Variants in PLP1 observed in about 807,000 individuals in gnomAD.
PLP1 encodes the protein myelin proteolipid protein.
Under a neutral mutation model 18.5 loss-of-function variants are expected in PLP1, and 2 were observed. The observed-to-expected ratio is 0.11, with a 90% CI of 0.04 to 0.34. The LOEUF (loss-of-function observed/expected upper bound fraction) is 0.34, where lower values mean the gene tolerates loss of function less well. Among genes scored for constraint, PLP1 ranks in the 10% least tolerant of loss-of-function variants. The pLI is 1.00. For missense variants in PLP1, 105 were observed against 207.3 expected (o/e 0.51, Z 3.03); for synonymous variants, 86 against 83.2 (o/e 1.03, Z -0.19).
At chrX:103,779,593 G>A (rs1032568508) in intron 1 of PLP1, among the ~76,000 whole-genome samples, 3 of 111,958 alleles carry the variant, frequency 2.7e-5, no homozygotes, top group South Asian at 3.7e-4. Context: ...CAGAGCCAGA[G>A]GAGTTCTTGG....
intron 5 of PLP1, chrX:103,788,947 T>A: frequency 3.4e-6 from 1 of 290,974 alleles, no homozygotes; most frequent in Non-Finnish European, 6.1e-6. Flanking sequence ...GGGAAAGCAC[T>A]GTATTGAGAA....
upstream of PLP1, chrX:103,776,731 G>T (rs769008592): frequency 1.4e-5 from 5 of 349,278 alleles, no homozygotes; most frequent in Non-Finnish European, 2.5e-5. Flanking sequence ...AGCCCTTAGA[G>T]AAGGGAGTAT....
rs188734237 is a variant in PLP1, at chrX:103,787,980, C to T, written c.622+14C>T. ...CCAGAATGTATGGTGAGTTAGGGTACGGGTGCTTTGGCTCTCCTACCCACT... is the reference window on the plus strand; with the variant it reads ...CCAGAATGTATGGTGAGTTAGGGTATGGGTGCTTTGGCTCTCCTACCCACT... On this transcript the variant is annotated intron_variant, in intron 4 of 6. Coordinates refer to ENST00000621218, the MANE Select transcript of PLP1 (RefSeq NM_000533.5). The T allele has an allele frequency of 7.6e-6, 9 of 1,187,402 alleles. No individual in the cohort carries two copies. Among genetic ancestry groups the T allele is most frequent in the Admixed American group, 4.4e-5 (2 of 45,757 alleles).
upstream of PLP1, chrX:103,776,753 TGGGGAAAAGGG>T (rs1390576223): frequency 3.2e-6 from 1 of 313,958 alleles, no homozygotes; most frequent in African/African-American, 7.2e-5. Flanking sequence ...CCTGAGTAGG[TGGGGAAAAGGG>T]GAGGAGAAGG....
Position 103,790,963 on chromosome X carries a change from G to A in PLP1, c.*365G>A, listed in dbSNP as rs780609276. 7 of 245,657 alleles carry A rather than the reference G, an allele frequency of 2.8e-5. No individual in the cohort carries two copies. The highest frequency in any genetic ancestry group is 2.0e-4 in the African/African-American group (7 of 35,813). The allele number at this position is 245,657 out of a possible 1,213,427, so 20.2% of individuals were successfully genotyped here. The stretch of plus-strand genomic sequence containing the variant: ...GTACTTCCACTGATGGAAACAAAGT[G>A]GAAGGAAAGATGCTCAGGTACAGAG... On this transcript the variant is annotated 3_prime_UTR_variant, in exon 7 of 7. Coordinates refer to ENST00000621218, the MANE Select transcript of PLP1 (RefSeq NM_000533.5).
chrX:103,791,995 A>G lies in PLP1; in HGVS notation c.*1397A>G, dbSNP rs747122836. 8 of 112,067 alleles carry G rather than the reference A, an allele frequency of 7.1e-5. No individual in the cohort carries two copies. Among genetic ancestry groups the G allele is most frequent in the Non-Finnish European group, 1.3e-4 (7 of 53,201 alleles). 9.2% of individuals were successfully genotyped at this position (112,067 alleles called of 1,213,427 possible). A position where few individuals can be genotyped will look rare whatever the true frequency, so the allele number is the denominator to read the frequency against. On this transcript the variant is annotated 3_prime_UTR_variant, in exon 7 of 7. Transcript: ENST00000621218. ...ATTTTCTCCTGATATAGATCACATAACAGAATGCACCAGTCATCAGCTATT... is the reference window on the plus strand; with the variant it reads ...ATTTTCTCCTGATATAGATCACATAGCAGAATGCACCAGTCATCAGCTATT...
At chrX:103,788,086 T>A in intron 4 of PLP1, 120 bp downstream of exon 4, 1 of 590,331 alleles carries the variant, frequency 1.7e-6, no homozygotes, top group Non-Finnish European at 2.8e-6. Flanking sequence ...GATGAATGAT[T>A]GGGTCTTAGT....
At chrX:103,778,124 A>G (rs2074425237) in intron 1 of PLP1, among the ~76,000 whole-genome samples, 1 of 112,109 alleles carries the variant, frequency 8.9e-6, no homozygotes, top group Admixed American at 9.4e-5. Flanking sequence ...TCTGCTACTT[A>G]TGAACTATGT....
At chrX:103,780,268 A>G (rs2074441582) in intron 1 of PLP1, 1 of 112,467 alleles carries the variant, frequency 8.9e-6, no homozygotes, top group Admixed American at 9.4e-5. Context: ...CCTGAGGAAC[A>G]AGGTATGGCT....
intron 1 of PLP1, chrX:103,781,121 C>A (rs2074450145): frequency 1.3e-5 from 3 of 229,246 alleles, no homozygotes; most frequent in Non-Finnish European, 2.5e-5. Context: ...CCATTCCTTT[C>A]GATGAAAGCC....
Position 103,785,667 on chromosome X carries a change from A to G in PLP1, c.90A>G (p.Ala30=), listed in dbSNP as rs2074489211. Residue 30 remains alanine (A), a synonymous_variant, in exon 2 of 7, where the codon GCA becomes GCG. Coordinates refer to ENST00000621218, the MANE Select transcript of PLP1 (RefSeq NM_000533.5). ...CTGGATTGTGTTTCTTTGGGGTGGC[A>G]CTGTTCTGTGGCTGTGGACATGAAG... ...VATGLCFFGV[A]LFCGCGHEAL... is the part of the protein sequence containing the mutation. The G allele has an allele frequency of 2.5e-6, 3 of 1,209,877 alleles. No individual in the cohort carries two copies. Among genetic ancestry groups the G allele is most frequent in the Non-Finnish European group, 3.4e-6 (3 of 893,851 alleles).
At chrX:103,785,506 G>A (rs2074487181) in intron 1 of PLP1, 76 bp from the exon 2 acceptor site, 1 of 897,844 alleles carries the variant, frequency 1.1e-6, no homozygotes, top group African/African-American at 1.9e-5. Context: ...TGTGAGCACA[G>A]GGCCTGGCAG....
rs1360188345 is a variant in PLP1, at chrX:103,789,415, T to G, written c.762+17T>G. The G allele has an allele frequency of 8.6e-7, 1 of 1,161,169 alleles. No homozygotes were observed. Among genetic ancestry groups the G allele is most frequent in the Admixed American group, 2.2e-5 (1 of 45,964 alleles). ...GTTTCCCTGGTGAGTTGACTTTGAA[T>G]GATCTTGGCAAGTAAATAGGCCTGA... is the stretch of plus-strand genomic sequence containing the variant. On this transcript the variant is annotated intron_variant, in intron 6 of 6. Transcript: ENST00000621218.
At chrX:103,786,358 C>T in intron 2 of PLP1, 107 bp from the exon 3 acceptor site, 1 of 1,055,386 alleles carries the variant, frequency 9.5e-7, no homozygotes, top group Non-Finnish European at 1.3e-6. Flanking sequence ...AAATCCCTAG[C>T]CTTGTTAAGG....
At chrX:103,784,475 C>T (rs1405778858) in intron 1 of PLP1, among the ~76,000 whole-genome samples, 3 of 111,665 alleles carry the variant, frequency 2.7e-5, no homozygotes. Context: ...GGAGTAATAT[C>T]AAACCTCCTA....
intron 1 of PLP1, among the ~76,000 whole-genome samples, chrX:103,781,518 G>T (rs1305059903): frequency 8.9e-6 from 1 of 112,174 alleles, no homozygotes; most frequent in Non-Finnish European, 1.9e-5. Context: ...CTTGCTTATA[G>T]GTAGCTTTAG....
At chrX:103,780,577 A>C (rs2074445516) in intron 1 of PLP1, among the ~76,000 whole-genome samples, 1 of 110,667 alleles carries the variant, frequency 9.0e-6, no homozygotes, top group Admixed American at 9.7e-5. Flanking sequence ...CTTTTTAGTT[A>C]ACCTTGTCCA....
At chrX:103,778,078 G>T (rs1179570268) in intron 1 of PLP1, among the ~76,000 whole-genome samples, 1 of 111,839 alleles carries the variant, frequency 8.9e-6, no homozygotes, top group Non-Finnish European at 1.9e-5. Flanking sequence ...GAGAGCACTG[G>T]ACAGGGAGTC....
At chrX:103,784,237 G>A (rs2074476333) in intron 1 of PLP1, among the ~76,000 whole-genome samples, 1 of 111,733 alleles carries the variant, frequency 8.9e-6, no homozygotes, top group African/African-American at 3.3e-5. Context: ...GGGGATCTCA[G>A]GGACTCTTAG....
Sources: allele counts gnomAD v4.1 joint callset (sites outside exome capture counted in the v4.1 genomes callset), GRCh38; gene constraint gnomAD v4.1.1; transcripts MANE v1.5; gene names NCBI Gene and HGNC (gene_info 2026-07-23, HGNC 2026-07-21).